Variants in GPN2 observed in about 807,000 individuals in gnomAD.
GPN2 encodes the protein ATP-binding domain 1 family member B.
In GPN2, 27 loss-of-function variants were observed where a neutral mutation model predicts 30.1. The observed-to-expected ratio is 0.90, with a 90% CI of 0.66 to 1.24. The LOEUF (loss-of-function observed/expected upper bound fraction) is 1.24, where lower values mean the gene tolerates loss of function less well. Among genes scored for constraint, GPN2 ranks in the 50% most tolerant of loss-of-function variants. The pLI is 0.00. For synonymous variants in GPN2, 212 were observed against 174.4 expected, an observed-to-expected ratio of 1.22 and a Z score of -1.70; for missense variants, 406 against 405.4, an observed-to-expected ratio of 1.00 and a Z score of -0.01.
In GPN2 at chr1:26,890,052, G is replaced by T. The variant is rs368664469; in HGVS notation, c.45C>A (p.Ile15=). The change falls in exon 1 of 5, where the codon ATC becomes ATA. Residue 15 remains isoleucine (I), a synonymous_variant. Coordinates refer to ENST00000374135, the MANE Select transcript of GPN2 (RefSeq NM_018066.4). ...TGGTCTTCCCTGAGCCCGGCGGGCC[G>T]ATCACCGCCTGCCCGAAGGCCGTGG... The part of the protein sequence containing the change: ...APTTAFGQAV[I]GPPGSGKTTY... The T allele has an allele frequency of 1.3e-6, 2 of 1,581,222 alleles. No individual in the cohort carries two copies. The highest frequency in any genetic ancestry group is 4.5e-5 in the East Asian group (2 of 44,434).
Position 26,878,073 on chromosome 1 carries a change from T to A in GPN2, c.*1604A>T, listed in dbSNP as rs2081845833. ...AAATACATGCAAATAAAACTTGGCA[T>A]AACAGTCTTGCCCAAGCCATCAGTC... is the stretch of plus-strand genomic sequence containing the variant. On this transcript the variant is annotated 3_prime_UTR_variant, in exon 5 of 5. Transcript: ENST00000374135. 1 of 152,064 alleles carries A rather than the reference T, an allele frequency of 6.6e-6. No homozygotes were observed. Among genetic ancestry groups the A allele is most frequent in the African/African-American group, 2.4e-5 (1 of 41,400 alleles). The allele number at this position is 152,064 out of a possible 1,614,324, so 9.4% of individuals were successfully genotyped here. A position where few individuals can be genotyped will look rare whatever the true frequency, so the allele number is the denominator to read the frequency against.
Position 26,890,178 on chromosome 1 carries a change from G to A in GPN2, c.-82C>T, listed in dbSNP as rs11555809. 0.071 allele frequency: 87,923 copies of A among 1,235,262 alleles called. 3,437 individuals carry two copies. The highest frequency in any genetic ancestry group is 0.078 in the Non-Finnish European group (71,803 of 915,988). The allele number at this position is 1,235,262 out of a possible 1,614,324, so 76.5% of individuals were successfully genotyped here. On this transcript the variant is annotated 5_prime_UTR_variant, in exon 1 of 5. Coordinates refer to ENST00000374135, the MANE Select transcript of GPN2 (RefSeq NM_018066.4). Reference sequence around the variant, plus strand: ...CGCCGGAGACGAGACTGAGGGCGAGGGTCCCAGTACGTATACCTCGTTGGC... The same window carrying A: ...CGCCGGAGACGAGACTGAGGGCGAGAGTCCCAGTACGTATACCTCGTTGGC...
At chr1:26,889,576 T>A in intron 1 of GPN2, 110 bp downstream of exon 1, 1 of 1,092,736 alleles carries the variant, frequency 9.2e-7, no homozygotes, top group Non-Finnish European at 1.3e-6. Context: ...CCTGTTTTAC[T>A]CCAAAGCGAC....
Position 26,890,145 on chromosome 1 carries a change from GGTAGCCGCGCC to G in GPN2, c.-60_-50del, listed in dbSNP as rs1557658075. On this transcript the variant is annotated 5_prime_UTR_variant, in exon 1 of 5. Transcript: ENST00000374135. ...GTCAACTCACAGGGAAAACGGGGCAGGTAGCCGCGCCGGAGACGAGACTGAGGGCGAGGGTC... is the reference window on the plus strand; with the variant it reads ...GTCAACTCACAGGGAAAACGGGGCAGGGAGACGAGACTGAGGGCGAGGGTC... 1 of 1,437,546 alleles carries G rather than the reference GGTAGCCGCGCC, an allele frequency of 7.0e-7. No homozygotes were observed. Among genetic ancestry groups the G allele is most frequent in the African/African-American group, 1.4e-5 (1 of 69,654 alleles). The allele number at this position is 1,437,546 out of a possible 1,614,324, so 89.0% of individuals were successfully genotyped here.
chr1:26,886,221 A>C (rs2081890320), intron 2 of GPN2, 88 bp from the exon 3 acceptor site: 2 of 788,564 alleles, frequency 2.5e-6, no homozygotes, highest in Non-Finnish European at 4.1e-6. Flanking sequence ...TCCTTTGTGC[A>C]CTCATGCACT....
At chr1:26,880,798 G>A (rs931838676) in intron 4 of GPN2, among the ~76,000 whole-genome samples, 2 of 152,188 alleles carry the variant, frequency 1.3e-5, no homozygotes, top group Non-Finnish European at 2.9e-5. Flanking sequence ...CTTGAAACCT[G>A]TCTCAACTTT....
chr1:26,879,619 G>A lies in GPN2; in HGVS notation c.*58C>T. 2 of 1,288,764 alleles carry A rather than the reference G, an allele frequency of 1.6e-6. No homozygotes were observed. Among genetic ancestry groups the A allele is most frequent in the Non-Finnish European group, 2.2e-6 (2 of 891,246 alleles). 79.8% of individuals were successfully genotyped at this position (1,288,764 alleles called of 1,614,324 possible). A position where few individuals can be genotyped will look rare whatever the true frequency, so the allele number is the denominator to read the frequency against. On this transcript the variant is annotated 3_prime_UTR_variant, in exon 5 of 5. Coordinates refer to ENST00000374135, the MANE Select transcript of GPN2 (RefSeq NM_018066.4). The stretch of plus-strand genomic sequence containing the variant: ...CTTGGGTCTGCAGCCTGCATCAGGA[G>A]CCTCCACTTTCCCCAGTGCTGGATT...
In GPN2 at chr1:26,884,165, G is replaced by A. The variant is rs1294359776; in HGVS notation, c.855C>T (p.Phe285=). 2 of 1,612,482 alleles carry A rather than the reference G, an allele frequency of 1.2e-6. No individual in the cohort carries two copies. Among genetic ancestry groups the A allele is most frequent in the East Asian group, 4.5e-5 (2 of 44,838 alleles). ...MSAAMGADFH[F]SSTLGIQEKY... is the part of the protein sequence containing the mutation. ...CAGGAAGCTGGCAAGGATACGAAGAGAAATGGAAGTCGGCTCCCATTGCGG... is the reference window on the plus strand; with the variant it reads ...CAGGAAGCTGGCAAGGATACGAAGAAAAATGGAAGTCGGCTCCCATTGCGG... The change falls in exon 4 of 5, where the codon TTC becomes TTT. Residue 285 remains phenylalanine (F), a synonymous_variant. Transcript: ENST00000374135.
intron 4 of GPN2, among the ~76,000 whole-genome samples, chr1:26,881,149 AAAGT>A (rs1471039824): frequency 6.6e-6 from 1 of 152,232 alleles, no homozygotes; most frequent in African/African-American, 2.4e-5. Context: ...ACGAATACAT[AAAGT>A]AACGTACAGA....
intron 1 of GPN2, among the ~76,000 whole-genome samples, 194 bp downstream of exon 1, chr1:26,889,490 CTG>C (rs1307530191): frequency 6.6e-6 from 1 of 152,188 alleles, no homozygotes; most frequent in Non-Finnish European, 1.5e-5. Context: ...CGTGAGGAAA[CTG>C]AGGTTCAGAG....
At chr1:26,885,591 T>A (rs1046158907) in intron 3 of GPN2, among the ~76,000 whole-genome samples, 2 of 150,644 alleles carry the variant, frequency 1.3e-5, no homozygotes, top group South Asian at 4.2e-4. Flanking sequence ...TTTTTTTTTT[T>A]TTTTTTGAGA....
rs2081845734 is a variant in GPN2, at chr1:26,878,061, T to G, written c.*1616A>C. On this transcript the variant is annotated 3_prime_UTR_variant, in exon 5 of 5. Transcript: ENST00000374135. The stretch of plus-strand genomic sequence containing the variant: ...AAAAGAAAGTCCAAATACATGCAAA[T>G]AAAACTTGGCATAACAGTCTTGCCC... 2 of 151,972 alleles carry G rather than the reference T, an allele frequency of 1.3e-5. No individual in the cohort carries two copies. The highest frequency in any genetic ancestry group is 1.3e-4 in the Admixed American group (2 of 15,248). 9.4% of individuals were successfully genotyped at this position (151,972 alleles called of 1,614,324 possible).
At chr1:26,886,188 G>A (rs1360107472) in intron 2 of GPN2, 55 bp from the exon 3 acceptor site, 4 of 1,318,328 alleles carry the variant, frequency 3.0e-6, no homozygotes, top group Admixed American at 2.2e-5. Context: ...AAGACCTGAG[G>A]ACGAGGTTCC....
At chr1:26,884,039 CAAAAA>C (rs373357961) in intron 4 of GPN2, 116 bp downstream of exon 4, 445 of 424,926 alleles carry the variant, frequency 1.0e-3, no homozygotes, top group Middle Eastern at 1.4e-3. Flanking sequence ...GACTCCATCT[CAAAAA>C]AAAAAAAAAA....
chr1:26,885,329 C>A (rs1425323939), intron 3 of GPN2, among the ~76,000 whole-genome samples: 1 of 152,160 alleles, frequency 6.6e-6, no homozygotes, highest in Non-Finnish European at 1.5e-5. Context: ...GCAAAGTCAA[C>A]AGACAGTTGC....
chr1:26,887,700 T>A (rs994727670), intron 2 of GPN2, among the ~76,000 whole-genome samples: 4 of 151,798 alleles, frequency 2.6e-5, no homozygotes, highest in African/African-American at 7.3e-5. Flanking sequence ...TAGCTGGGAC[T>A]ACAGGTGCCC....
At chr1:26,887,657 G>A (rs981384585) in intron 2 of GPN2, among the ~76,000 whole-genome samples, 13 of 151,738 alleles carry the variant, frequency 8.6e-5, no homozygotes, top group African/African-American at 1.2e-4. Flanking sequence ...CCTCTCCTGG[G>A]TTCACGCCAT....
chr1:26,886,560 C>T, intron 2 of GPN2: 1 of 426,054 alleles, frequency 2.3e-6, no homozygotes. Flanking sequence ...TGCGGTGGCT[C>T]AAGCCTGTAA....
chr1:26,890,265 G>C lies in GPN2; in HGVS notation c.-169C>G, dbSNP rs1047790512. On this transcript the variant is annotated 5_prime_UTR_variant, in exon 1 of 5. Coordinates refer to ENST00000374135, the MANE Select transcript of GPN2 (RefSeq NM_018066.4). ...CCGTGTCGCGCAAAAGGAGATAACA[G>C]GCCGATACTAACTAGACTAACTCGA... 3 of 602,652 alleles carry C rather than the reference G, an allele frequency of 5.0e-6. No individual in the cohort carries two copies. Among genetic ancestry groups the C allele is most frequent in the Non-Finnish European group, 8.4e-6 (3 of 358,050 alleles). The allele number at this position is 602,652 out of a possible 1,614,324, so 37.3% of individuals were successfully genotyped here. A position where few individuals can be genotyped will look rare whatever the true frequency, so the allele number is the denominator to read the frequency against.
Sources: allele counts gnomAD v4.1 joint callset (sites outside exome capture counted in the v4.1 genomes callset), GRCh38; gene constraint gnomAD v4.1.1; transcripts MANE v1.5; gene names NCBI Gene and HGNC (gene_info 2026-07-23, HGNC 2026-07-21).